The following RDH11 variants were observed in gnomAD, a reference collection of about 807,000 sequenced individuals.
RDH11 encodes the protein retinol dehydrogenase 11.
Under a neutral mutation model 33.4 loss-of-function variants are expected in RDH11, and 19 were observed. That is an observed-to-expected ratio of 0.57 (90% CI 0.40 to 0.83). The LOEUF (loss-of-function observed/expected upper bound fraction) is 0.83. Ranked by LOEUF, RDH11 falls within the 40% of genes least tolerant of loss-of-function variation. The pLI, the probability that RDH11 is intolerant of heterozygous loss-of-function variation, is 0.00. For synonymous variants in RDH11, 154 were observed against 155.3 expected (o/e 0.99, Z 0.06); for missense variants, 353 against 389.0 (o/e 0.91, Z 0.78).
chr14:67,692,376 T>C, intron 3 of RDH11, 62 bp downstream of exon 3: 1 of 1,564,792 alleles, frequency 6.4e-7, no homozygotes, highest in Non-Finnish European at 8.7e-7. Context: ...CTTTTCCTTT[T>C]AGTTGAATCT....
At chr14:67,691,354 C>G in intron 3 of RDH11, 110 bp from the exon 4 acceptor site, 2 of 693,044 alleles carry the variant, frequency 2.9e-6, no homozygotes, top group Non-Finnish European at 5.1e-6. Context: ...CTTCAATCTT[C>G]CCTCCATTTT....
chr14:67,687,626 C>T (rs2037697090), intron 5 of RDH11, among the ~76,000 whole-genome samples: 1 of 152,108 alleles, frequency 6.6e-6, no homozygotes, highest in Admixed American at 6.6e-5. Flanking sequence ...CACACGCCAA[C>T]ATGCCCGGCT....
At position 67,685,117 on chromosome 14, in the gene RDH11, C is replaced by T. The variant is rs1179662506; in HGVS notation, c.752G>A (p.Trp251Ter). ...AGTCTTGATGAAAAAGGAGAAAAGC[C>T]ACCACATCCATCTCATGAAAGATGA... is the stretch of plus-strand genomic sequence containing the variant. Reference protein sequence around the residue: ...RHSSFMRWMWWLFSFFIKTPQ... With the variant: ...RHSSFMRWMW Residue 251 changes from tryptophan (W) to a stop codon, truncating the protein, a stop_gained, in exon 6 of 7, where the codon TGG (tryptophan) becomes TAG (stop). Transcript: ENST00000381346. LOFTEE classifies it high-confidence loss of function. 1.9e-6 allele frequency: 3 copies of T among 1,614,052 alleles called. No individual in the cohort carries two copies. Among genetic ancestry groups the T allele is most frequent in the East Asian group, 2.2e-5 (1 of 44,892 alleles).
chr14:67,684,846 GT>G, intron 6 of RDH11, 168 bp downstream of exon 6: 1 of 494,538 alleles, frequency 2.0e-6, no homozygotes, highest in Admixed American at 3.7e-5. Flanking sequence ...AAATGTAGCA[GT>G]TATTACAAAA....
At chr14:67,680,887 G>A (rs1015050494) in intron 6 of RDH11, among the ~76,000 whole-genome samples, 21 of 152,222 alleles carry the variant, frequency 1.4e-4, no homozygotes, top group African/African-American at 5.1e-4. Context: ...CAATGCTATA[G>A]TAATCAAGAT....
chr14:67,687,322 C>T (rs1051573947), intron 5 of RDH11, among the ~76,000 whole-genome samples: 2 of 152,142 alleles, frequency 1.3e-5, no homozygotes, highest in Non-Finnish European at 2.9e-5. Context: ...TTGGCATCTA[C>T]CTACCTCACC....
At chr14:67,684,916 A>G in intron 6 of RDH11, 99 bp downstream of exon 6, 4 of 921,978 alleles carry the variant, frequency 4.3e-6, no homozygotes, top group Non-Finnish European at 6.5e-6. Context: ...CAAAAGCTAT[A>G]TGAGACAATG....
At chr14:67,688,442 T>C (rs1316230939) in intron 5 of RDH11, among the ~76,000 whole-genome samples, 2 of 152,172 alleles carry the variant, frequency 1.3e-5, no homozygotes, top group Admixed American at 1.3e-4. Context: ...TCCTTGTGCA[T>C]GATACATACA....
In RDH11 at chr14:67,685,139, A is replaced by AT. The variant is rs1194159855; in HGVS notation, c.729dup (p.Ser244IlefsTer34). ...AGCCACCACATCCATCTCATGAAAG[A>AT]TGAGTGCCGAACCAGTTCAGATTGG... On this transcript the variant is annotated frameshift_variant, in exon 6 of 7. Transcript: ENST00000381346. LOFTEE classifies it high-confidence loss of function. 3.1e-6 allele frequency: 5 copies of AT among 1,614,096 alleles called. No homozygotes were observed. The highest frequency in any genetic ancestry group is 4.2e-6 in the Non-Finnish European group (5 of 1,180,042).
chr14:67,688,869 C>T (rs1443786660), intron 5 of RDH11, among the ~76,000 whole-genome samples: 1 of 152,146 alleles, frequency 6.6e-6, no homozygotes, highest in Non-Finnish European at 1.5e-5. Flanking sequence ...GAGACTATAC[C>T]TATCTTGTTC....
At chr14:67,678,715 G>A (rs2037574504) in intron 6 of RDH11, among the ~76,000 whole-genome samples, 1 of 152,062 alleles carries the variant, frequency 6.6e-6, no homozygotes. Context: ...ATTAGTGCCT[G>A]CCTGACACCC....
At chr14:67,694,515 T>C (rs940767030) in intron 1 of RDH11, among the ~76,000 whole-genome samples, 26 of 136,438 alleles carry the variant, frequency 1.9e-4, no homozygotes, top group African/African-American at 6.5e-4. Context: ...TACACACATA[T>C]ATTTTTTTTT....
intron 5 of RDH11, 177 bp downstream of exon 5, chr14:67,690,035 G>A: frequency 1.7e-6 from 1 of 589,678 alleles, no homozygotes; most frequent in Non-Finnish European, 3.0e-6. Context: ...GAGTCTCACT[G>A]TCCCAGCCAG....
chr14:67,692,333 A>G (rs2037760127), intron 3 of RDH11, 105 bp downstream of exon 3: 1 of 1,263,138 alleles, frequency 7.9e-7, no homozygotes, highest in African/African-American at 1.5e-5. Flanking sequence ...TTTTGGCTAT[A>G]TTTTATCCAC....
At chr14:67,686,445 C>A (rs934122965) in intron 5 of RDH11, among the ~76,000 whole-genome samples, 14 of 151,990 alleles carry the variant, frequency 9.2e-5, no homozygotes, top group Non-Finnish European at 2.1e-4. Context: ...TATAGACCAG[C>A]CTGGGCAACA....
chr14:67,695,690 A>C lies in RDH11; in HGVS notation c.14T>G (p.Met5Arg). The change falls in exon 1 of 7, where the codon ATG (methionine) becomes AGG (arginine). Residue 5 changes from methionine to arginine, a missense_variant. Coordinates refer to ENST00000381346, the MANE Select transcript of RDH11 (RefSeq NM_016026.4). MVELMFPLLLLLLPF... is the reference protein window; with the variant it reads MVELRFPLLLLLLPF... ...CAGAAGGAGGAGCAACAGCGGGAAC[A>C]TGAGCTCAACCATCTCTGCCGGCTG... is the stretch of plus-strand genomic sequence containing the variant. The C allele has an allele frequency of 1.2e-6, 2 of 1,614,184 alleles. No individual in the cohort carries two copies. Among genetic ancestry groups the C allele is most frequent in the South Asian group, 1.1e-5 (1 of 91,092 alleles).
chr14:67,693,500 T>C (rs1426436303), intron 1 of RDH11, among the ~76,000 whole-genome samples: 1 of 148,604 alleles, frequency 6.7e-6, no homozygotes, highest in Non-Finnish European at 1.5e-5. Flanking sequence ...CTTGTGACTC[T>C]GGGACAAAAT....
Position 67,693,587 on chromosome 14 carries a change from G to A in RDH11, c.75-535C>T, listed in dbSNP as rs184412869. 2.1e-3 allele frequency among the ~76,000 whole-genome samples: 323 copies of A among 151,226 alleles called. 7 individuals are homozygous for A. The East Asian group carries it at 0.052, about 24-fold the overall frequency. On this transcript the variant is annotated intron_variant, in intron 1 of 6. Coordinates refer to ENST00000381346, the MANE Select transcript of RDH11 (RefSeq NM_016026.4). ...AAAGAGAAGATTATGTATGTACAAA[G>A]GGGAGCTGGGATTCAAGTCTTGCTT... is the stretch of plus-strand genomic sequence containing the variant.
intron 5 of RDH11, among the ~76,000 whole-genome samples, chr14:67,687,420 G>A (rs2037692254): frequency 6.8e-6 from 1 of 147,110 alleles, no homozygotes; most frequent in Non-Finnish European, 1.5e-5. Flanking sequence ...CCGGACCTTT[G>A]TACATTCTCC....
Sources: allele counts gnomAD v4.1 joint callset (sites outside exome capture counted in the v4.1 genomes callset), GRCh38; gene constraint gnomAD v4.1.1; transcripts MANE v1.5; gene names NCBI Gene and HGNC (gene_info 2026-07-23, HGNC 2026-07-21).